Variants in CFAP210 observed in about 807,000 individuals in gnomAD.
CFAP210 encodes the protein cilia and flagella associated protein 210, also known as cilia- and flagella- associated protein 210.
chr2:169,652,371 A>G, the CFAP210 span, among the ~76,000 whole-genome samples: 1 of 152,366 alleles, frequency 6.6e-6, no homozygotes, highest in Admixed American at 6.5e-5. Context: ...ATAGTATTTT[A>G]AACAGTTTTA....
chr2:169,679,493 A>G, the CFAP210 span, among the ~76,000 whole-genome samples: 2 of 152,092 alleles, frequency 1.3e-5, no homozygotes, highest in East Asian at 3.9e-4. Flanking sequence ...CCTGGCTAAC[A>G]TGGTGAAAAC....
the CFAP210 span, among the ~76,000 whole-genome samples, chr2:169,687,663 G>A: frequency 6.6e-6 from 1 of 152,180 alleles, no homozygotes; most frequent in African/African-American, 2.4e-5. Flanking sequence ...CTGCTTTCAC[G>A]GACTGGCATT....
chr2:169,672,621 GA>G, the CFAP210 span, among the ~76,000 whole-genome samples: 7 of 152,320 alleles, frequency 4.6e-5, no homozygotes, highest in East Asian at 1.3e-3. Context: ...AGGAAAAGCA[GA>G]AGGAAGCATC....
At chr2:169,670,467 CTAAT>C in the CFAP210 span, among the ~76,000 whole-genome samples, 72 of 152,306 alleles carry the variant, frequency 4.7e-4, 1 homozygote, top group Middle Eastern at 0.027. Flanking sequence ...TGCTGAATAA[CTAAT>C]TACTCTAAAA....
chr2:169,682,233 G>T, the CFAP210 span, among the ~76,000 whole-genome samples: 1 of 152,046 alleles, frequency 6.6e-6, no homozygotes, highest in African/African-American at 2.4e-5. Context: ...GGCAGAAAAG[G>T]AATTAATTAA....
At chr2:169,687,207 A>T in the CFAP210 span, among the ~76,000 whole-genome samples, 1 of 152,108 alleles carries the variant, frequency 6.6e-6, no homozygotes, top group Non-Finnish European at 1.5e-5. Flanking sequence ...ACACAGCCAA[A>T]CCATATCATT....
the CFAP210 span, among the ~76,000 whole-genome samples, chr2:169,666,793 A>T: frequency 6.6e-6 from 1 of 152,138 alleles, no homozygotes; most frequent in African/African-American, 2.4e-5. Context: ...CTGCTTTATC[A>T]ACTAAGTTTA....
the CFAP210 span, among the ~76,000 whole-genome samples, chr2:169,675,374 T>C: frequency 1.3e-5 from 2 of 152,312 alleles, no homozygotes; most frequent in South Asian, 4.1e-4. Flanking sequence ...TTCTGTAGGC[T>C]GTACAGGAAG....
chr2:169,671,129 G>A, the CFAP210 span, among the ~76,000 whole-genome samples: 2 of 152,100 alleles, frequency 1.3e-5, no homozygotes, highest in African/African-American at 2.4e-5. Flanking sequence ...ACCATGAGCC[G>A]ATCCTAGCCT....
At chr2:169,647,554 A>G in the CFAP210 span, among the ~76,000 whole-genome samples, 2 of 118,924 alleles carry the variant, frequency 1.7e-5, no homozygotes, top group African/African-American at 7.4e-5. Flanking sequence ...AAAATCAAGT[A>G]TTCTGTTTTT....
chr2:169,681,228 T>G, the CFAP210 span: 2 of 1,598,356 alleles, frequency 1.3e-6, no homozygotes, highest in Non-Finnish European at 1.7e-6. Context: ...TCAGAGTTTC[T>G]TATTTCTAAT....
chr2:169,665,497 C>G, the CFAP210 span, among the ~76,000 whole-genome samples: 4 of 151,672 alleles, frequency 2.6e-5, no homozygotes, highest in South Asian at 8.3e-4. Flanking sequence ...TTAAGAGAGA[C>G]AGAGTTGTTG....
the CFAP210 span, among the ~76,000 whole-genome samples, chr2:169,650,713 A>G: frequency 1.3e-5 from 2 of 148,962 alleles, no homozygotes; most frequent in African/African-American, 5.0e-5. Flanking sequence ...TCTAAAATCC[A>G]AAGACAGTAA....
the CFAP210 span, among the ~76,000 whole-genome samples, chr2:169,684,365 G>A: frequency 0.021 from 3,156 of 152,214 alleles, 105 homozygotes; most frequent in African/African-American, 0.071. Context: ...AGCATTCAAT[G>A]GTTTTTACTC....
chr2:169,685,720 A>G, the CFAP210 span, among the ~76,000 whole-genome samples: 1 of 151,058 alleles, frequency 6.6e-6, no homozygotes, highest in African/African-American at 2.4e-5. Flanking sequence ...TTTTCTTCTA[A>G]TAGTTTTATA....
the CFAP210 span, among the ~76,000 whole-genome samples, chr2:169,682,626 G>A: frequency 2.6e-5 from 4 of 152,124 alleles, no homozygotes; most frequent in African/African-American, 9.7e-5. Context: ...AAGGGTGGCT[G>A]AAAAAGTGAA....
At chr2:169,692,444 GCACACACA>G in the CFAP210 span, among the ~76,000 whole-genome samples, 1,023 of 143,762 alleles carry the variant, frequency 7.1e-3, 11 homozygotes, top group African/African-American at 0.021. Context: ...ACAGGCGCAC[GCACACACA>G]CACACACACA....
At chr2:169,662,149 A>G in the CFAP210 span, 2 of 877,298 alleles carry the variant, frequency 2.3e-6, no homozygotes, top group Non-Finnish European at 3.5e-6. Context: ...TTACTTGATC[A>G]TTACATAATG....
At chr2:169,663,906 T>C in the CFAP210 span, among the ~76,000 whole-genome samples, 57 of 151,852 alleles carry the variant, frequency 3.8e-4, no homozygotes, top group Admixed American at 8.5e-4. Context: ...TTGAAGAACA[T>C]GTCTGGGCGC....
Sources: gnomAD v4.1 joint callset for allele counts (sites outside exome capture counted in the v4.1 genomes callset) on GRCh38, gnomAD v4.1.1 for gene constraint, MANE v1.5 for transcripts, NCBI Gene and HGNC (gene_info 2026-07-23, HGNC 2026-07-21) for gene names.